Variants in FGGY observed in about 807,000 individuals in gnomAD.
FGGY encodes the protein FGGY carbohydrate kinase domain-containing protein.
FGGY carries 72 observed loss-of-function variants against 71.3 expected under a neutral mutation model. The ratio of observed to expected loss-of-function variants is 1.01; its 90% confidence interval spans 0.84 to 1.23. The LOEUF is 1.23. Ranked by LOEUF, FGGY falls within the 50% of genes most tolerant of loss-of-function variation. FGGY has a pLI of 0.00. For missense variants in FGGY, 668 were observed against 682.3 expected (o/e 0.98, Z 0.23); for synonymous variants, 251 against 250.3 (o/e 1.00, Z -0.02).
chr1:59,446,342 G>T (rs2071238114), intron 5 of FGGY, among the ~76,000 whole-genome samples: 1 of 152,038 alleles, frequency 6.6e-6, no homozygotes, highest in Admixed American at 6.6e-5. Flanking sequence ...TATTGTCATG[G>T]CCACGTTTGA....
chr1:59,426,892 G>T (rs1342366312), intron 5 of FGGY, among the ~76,000 whole-genome samples: 3 of 151,214 alleles, frequency 2.0e-5, no homozygotes, highest in Non-Finnish European at 4.4e-5. Flanking sequence ...CTGCAATTCT[G>T]TCAGCCAGTC....
intron 12 of FGGY, among the ~76,000 whole-genome samples, chr1:59,661,331 GTAA>G (rs1326449008): frequency 6.6e-6 from 1 of 152,122 alleles, no homozygotes; most frequent in Non-Finnish European, 1.5e-5. Context: ...CTCCCAGATA[GTAA>G]TAATACTAAT....
intron 7 of FGGY, among the ~76,000 whole-genome samples, chr1:59,538,328 A>G (rs1362683190): frequency 6.6e-6 from 1 of 150,938 alleles, no homozygotes; most frequent in Non-Finnish European, 1.5e-5. Context: ...GGCAATCATT[A>G]AAAAGTCAGG....
intron 9 of FGGY, among the ~76,000 whole-genome samples, chr1:59,612,568 C>G (rs1331296051): frequency 1.3e-5 from 2 of 152,214 alleles, no homozygotes; most frequent in Admixed American, 1.3e-4. Flanking sequence ...ACCATCAAGG[C>G]TGGGAAGAAA....
intron 4 of FGGY, among the ~76,000 whole-genome samples, chr1:59,369,366 G>A (rs951644445): frequency 5.1e-4 from 78 of 152,290 alleles, no homozygotes; most frequent in African/African-American, 1.8e-3. Flanking sequence ...GGGGAGGAGC[G>A]CCCGCCATTG....
intron 5 of FGGY, among the ~76,000 whole-genome samples, chr1:59,411,083 T>C (rs2063537128): frequency 6.6e-6 from 1 of 152,220 alleles, no homozygotes; most frequent in Non-Finnish European, 1.5e-5. Flanking sequence ...GTTGTCATAC[T>C]GTTTCATTTC....
At chr1:59,321,882 C>T (rs2046456011) in intron 2 of FGGY, 132 bp downstream of exon 2, 1 of 777,552 alleles carries the variant, frequency 1.3e-6, no homozygotes, top group East Asian at 2.7e-5. Flanking sequence ...CCTTGCCCTT[C>T]AGGAGCTCAC....
chr1:59,642,817 G>A (rs2097049769), intron 11 of FGGY, among the ~76,000 whole-genome samples: 1 of 151,832 alleles, frequency 6.6e-6, no homozygotes, highest in South Asian at 2.1e-4. Context: ...GGATCACGAG[G>A]TCAGGAGATC....
chr1:59,614,702 T>A (rs2096731416), intron 9 of FGGY, among the ~76,000 whole-genome samples: 1 of 152,120 alleles, frequency 6.6e-6, no homozygotes, highest in African/African-American at 2.4e-5. Context: ...AAAGAGGAAG[T>A]CAAATTTTTC....
chr1:59,490,536 TA>T (rs2093797285), intron 6 of FGGY, among the ~76,000 whole-genome samples: 1 of 152,206 alleles, frequency 6.6e-6, no homozygotes, highest in Non-Finnish European at 1.5e-5. Context: ...ATTCCCTTTT[TA>T]AAAATTTTTT....
chr1:59,646,980 C>T (rs1346366775), intron 11 of FGGY, among the ~76,000 whole-genome samples: 1 of 152,166 alleles, frequency 6.6e-6, no homozygotes, highest in African/African-American at 2.4e-5. Flanking sequence ...ATCAGACTTT[C>T]CTTTCTTACT....
At chr1:59,397,972 C>T (rs544908261) in intron 5 of FGGY, among the ~76,000 whole-genome samples, 85 of 152,246 alleles carry the variant, frequency 5.6e-4, no homozygotes, top group Non-Finnish European at 7.9e-4. Context: ...CCATCCAGAT[C>T]AAGAACTTGA....
At position 59,528,384 on chromosome 1, in the gene FGGY, C is replaced by G. The variant is rs75329078; in HGVS notation, c.799+15945C>G. Among the ~76,000 whole-genome samples the G allele has an allele frequency of 1.8e-3, 277 of 152,298 alleles. 9 individuals carry two copies. In the East Asian group the frequency reaches 0.05, roughly 28 times the overall value. The stretch of plus-strand genomic sequence containing the variant: ...AAGAGAGGAAGGAGACTCGCTTAGA[C>G]TCAGGCAGCTAGTGTGGTTGAACAG... On this transcript the variant is annotated intron_variant, in intron 7 of 15. Coordinates refer to ENST00000303721, the MANE Select transcript of FGGY (RefSeq NM_018291.5).
chr1:59,531,782 C>A (rs1288104211), intron 7 of FGGY, among the ~76,000 whole-genome samples: 1 of 152,118 alleles, frequency 6.6e-6, no homozygotes, highest in African/African-American at 2.4e-5. Flanking sequence ...TTATTTGGGA[C>A]CCCGAAAGTC....
At chr1:59,714,133 C>CTT (rs1309140926) in intron 14 of FGGY, among the ~76,000 whole-genome samples, 2 of 152,170 alleles carry the variant, frequency 1.3e-5, no homozygotes, top group Non-Finnish European at 2.9e-5. Context: ...ATAACATTCC[C>CTT]TTTCCTTCCA....
chr1:59,750,949 C>T (rs1379097781), intron 14 of FGGY, among the ~76,000 whole-genome samples: 1 of 151,660 alleles, frequency 6.6e-6, no homozygotes, highest in African/African-American at 2.4e-5. Context: ...ATGCATCTCA[C>T]TGATACACAC....
intron 8 of FGGY, among the ~76,000 whole-genome samples, chr1:59,589,362 A>G (rs568964471): frequency 9.3e-4 from 142 of 152,294 alleles, no homozygotes; most frequent in African/African-American, 3.2e-3. Flanking sequence ...CCCACTGTCA[A>G]CATTAGACAG....
chr1:59,501,137 T>C (rs940765086), intron 6 of FGGY, among the ~76,000 whole-genome samples: 1 of 152,200 alleles, frequency 6.6e-6, no homozygotes, highest in African/African-American at 2.4e-5. Flanking sequence ...GTCAGCAGTT[T>C]GCAAACAGTA....
intron 9 of FGGY, among the ~76,000 whole-genome samples, chr1:59,616,754 A>G (rs978537213): frequency 1.3e-5 from 2 of 152,142 alleles, no homozygotes; most frequent in Non-Finnish European, 2.9e-5. Flanking sequence ...TGATAGTCAT[A>G]ATTACAATGC....
Sources: gnomAD v4.1 joint callset for allele counts (sites outside exome capture counted in the v4.1 genomes callset) on GRCh38, gnomAD v4.1.1 for gene constraint, MANE v1.5 for transcripts, NCBI Gene and HGNC (gene_info 2026-07-23, HGNC 2026-07-21) for gene names.